SPIN1: variants seen among roughly 807,000 people sequenced by gnomAD.
The protein encoded by SPIN1 is spindlin-1.
A neutral mutation model predicts 26.0 loss-of-function variants in SPIN1; 3 were observed. The ratio of observed to expected loss-of-function variants is 0.12; its 90% CI spans 0.05 to 0.30. The LOEUF (loss-of-function observed/expected upper bound fraction) is 0.30. Ranked by LOEUF, SPIN1 falls within the 10% of genes least tolerant of loss-of-function variation. The pLI is 1.00. For missense variants in SPIN1, 126 were observed against 333.4 expected (o/e 0.38, Z 4.84); for synonymous variants, 101 against 116.5 (o/e 0.87, Z 0.86).
intron 2 of SPIN1, among the ~76,000 whole-genome samples, chr9:88,433,350 T>C (rs1027633168): frequency 6.6e-6 from 1 of 152,242 alleles, no homozygotes; most frequent in Non-Finnish European, 1.5e-5. Flanking sequence ...CCCTAAGTGC[T>C]GGGACTACAG....
intron 2 of SPIN1, among the ~76,000 whole-genome samples, chr9:88,444,957 G>A (rs1333876911): frequency 2.0e-5 from 3 of 152,162 alleles, no homozygotes; most frequent in Non-Finnish European, 4.4e-5. Context: ...GCCTCCCAAA[G>A]TGCTGGGATT....
At chr9:88,447,901 C>T (rs1587805477) in intron 2 of SPIN1, among the ~76,000 whole-genome samples, 5 of 152,292 alleles carry the variant, frequency 3.3e-5, no homozygotes, top group African/African-American at 1.2e-4. Context: ...CTCCCAGGTC[C>T]CACACACCTG....
At chr9:88,475,002 G>GT in intron 5 of SPIN1, 76 bp from the exon 6 acceptor site, 1 of 1,328,234 alleles carries the variant, frequency 7.5e-7, no homozygotes, top group Non-Finnish European at 9.9e-7. Flanking sequence ...AAATATGTGA[G>GT]TTGATTTATA....
intron 4 of SPIN1, among the ~76,000 whole-genome samples, chr9:88,464,435 A>G (rs908652042): frequency 6.6e-6 from 1 of 152,242 alleles, no homozygotes; most frequent in African/African-American, 2.4e-5. Flanking sequence ...AGCTAAAGTT[A>G]GAGAAAAAAG....
intron 3 of SPIN1, among the ~76,000 whole-genome samples, chr9:88,449,192 A>G (rs1467962312): frequency 6.6e-6 from 1 of 151,690 alleles, no homozygotes; most frequent in African/African-American, 2.4e-5. Flanking sequence ...TGCCAGGTCT[A>G]CCCTTCAGCC....
chr9:88,410,340 T>C (rs1408316225), intron 1 of SPIN1, among the ~76,000 whole-genome samples: 2 of 152,218 alleles, frequency 1.3e-5, no homozygotes, highest in South Asian at 2.1e-4. Context: ...TAACCTGTTA[T>C]ACAATTAGTC....
At chr9:88,452,954 T>C (rs144943209) in intron 3 of SPIN1, among the ~76,000 whole-genome samples, 2 of 152,288 alleles carry the variant, frequency 1.3e-5, no homozygotes, top group East Asian at 3.9e-4. Context: ...GACAGGCATT[T>C]ACTGGTATGT....
intron 3 of SPIN1, among the ~76,000 whole-genome samples, chr9:88,459,024 A>C (rs894637457): frequency 3.9e-5 from 6 of 152,202 alleles, no homozygotes; most frequent in Admixed American, 1.3e-4. Flanking sequence ...TTGACACACA[A>C]AGTTAACCAC....
intron 1 of SPIN1, among the ~76,000 whole-genome samples, chr9:88,395,331 GCGTTCTATGCACACTGCTCTGC>G (rs56910768): frequency 0.18 from 27,796 of 151,498 alleles, 3,350 homozygotes; most frequent in African/African-American, 0.34. Flanking sequence ...ACAATAGGCA[GCGTTCTATGCACACTGCTCTGC>G]CGTTCTATGC....
intron 2 of SPIN1, among the ~76,000 whole-genome samples, chr9:88,444,553 T>C (rs116657420): frequency 0.027 from 4,008 of 150,276 alleles, 178 homozygotes; most frequent in African/African-American, 0.093. Context: ...CCCATTCTGT[T>C]TTTATAATAT....
chr9:88,416,485 G>A (rs1827567294), intron 1 of SPIN1, among the ~76,000 whole-genome samples: 1 of 151,916 alleles, frequency 6.6e-6, no homozygotes, highest in Non-Finnish European at 1.5e-5. Context: ...ACCACATCTG[G>A]CATTTCTCTA....
chr9:88,389,322 A>AT (rs1271402376), intron 1 of SPIN1: 2 of 152,280 alleles, frequency 1.3e-5, no homozygotes, highest in African/African-American at 4.8e-5. Context: ...GTTGAAACGA[A>AT]TTGTGCGATG....
intron 1 of SPIN1, among the ~76,000 whole-genome samples, chr9:88,424,710 G>T (rs955417974): frequency 6.6e-6 from 1 of 152,152 alleles, no homozygotes; most frequent in African/African-American, 2.4e-5. Flanking sequence ...TAAAGGTTTT[G>T]GGATTATTGC....
intron 2 of SPIN1, among the ~76,000 whole-genome samples, chr9:88,436,301 C>G (rs1337601285): frequency 6.6e-6 from 1 of 152,266 alleles, no homozygotes; most frequent in East Asian, 1.9e-4. Context: ...TACAATCTTT[C>G]TACAGTTTTA....
At chr9:88,390,970 A>G (rs970616336) in intron 1 of SPIN1, among the ~76,000 whole-genome samples, 4 of 152,168 alleles carry the variant, frequency 2.6e-5, no homozygotes, top group Non-Finnish European at 4.4e-5. Flanking sequence ...CACATTTTTG[A>G]AAACCAGAAA....
chr9:88,444,307 C>G (rs1032406822), intron 2 of SPIN1, among the ~76,000 whole-genome samples: 1 of 140,352 alleles, frequency 7.1e-6, no homozygotes, highest in Non-Finnish European at 1.5e-5. Context: ...GTGGCGGGAT[C>G]GCGGCTCACT....
chr9:88,390,896 C>T (rs757527660), intron 1 of SPIN1, among the ~76,000 whole-genome samples: 1 of 152,092 alleles, frequency 6.6e-6, no homozygotes, highest in African/African-American at 2.4e-5. Context: ...TTTATTTTCT[C>T]TGTACACACA....
intron 2 of SPIN1, among the ~76,000 whole-genome samples, chr9:88,445,792 G>A (rs1191880084): frequency 2.0e-5 from 3 of 151,654 alleles, no homozygotes; most frequent in African/African-American, 4.8e-5. Flanking sequence ...ACCAGCCTTG[G>A]CCTCTCCCAA....
rs186715313 is a variant in SPIN1 at position 88,447,088 on chromosome 9, T to G, written c.53-1853T>G. Among the ~76,000 whole-genome samples the G allele has an allele frequency of 5.9e-4, 90 of 152,334 alleles. 1 individual carries two copies. The Middle Eastern group carries it at 0.014, about 23-fold the overall frequency. On this transcript the variant is annotated intron_variant, in intron 2 of 5. Transcript: ENST00000375859. ...ATATTGTCCTAAAGGTCACTGAGGT[T>G]GTGCTCATTGTTTTCTTCCAGGTTT...
Sources: gnomAD v4.1 joint callset for allele counts (sites outside exome capture counted in the v4.1 genomes callset) on GRCh38, gnomAD v4.1.1 for gene constraint, MANE v1.5 for transcripts, NCBI Gene and HGNC (gene_info 2026-07-23, HGNC 2026-07-21) for gene names.